NTM: variants seen among roughly 807,000 people sequenced by gnomAD.
NTM encodes neurotrimin.
NTM carries 13 observed loss-of-function variants against 42.1 expected under a neutral mutation model. That is an observed-to-expected ratio of 0.31 (90% CI 0.20 to 0.49). NTM has a LOEUF of 0.49. NTM is among the 20% of genes least tolerant of loss of function. The probability of loss-of-function intolerance (pLI) is 0.99; values close to 1 mark genes in which losing one functional copy is unlikely to be tolerated. For synonymous variants in NTM, 187 were observed against 179.2 expected (o/e 1.04, Z -0.35); for missense variants, 373 against 452.8 (o/e 0.82, Z 1.60).
chr11:131,503,316 G>A (rs1341338570), intron 1 of NTM, among the ~76,000 whole-genome samples: 1 of 152,128 alleles, frequency 6.6e-6, no homozygotes, highest in Non-Finnish European at 1.5e-5. Flanking sequence ...AGAGGTTAGA[G>A]CAGGAACATG....
At chr11:131,463,686 TA>T (rs1432900482) in intron 1 of NTM, among the ~76,000 whole-genome samples, 36 of 152,384 alleles carry the variant, frequency 2.4e-4, no homozygotes, top group African/African-American at 7.9e-4. Context: ...CCTACCTTTA[TA>T]AACCTGGCCC....
chr11:131,642,290 A>T (rs117155638), intron 1 of NTM, among the ~76,000 whole-genome samples: 1 of 152,324 alleles, frequency 6.6e-6, no homozygotes, highest in East Asian at 1.9e-4. Flanking sequence ...CACACATTAG[A>T]GAGCCAAAGC....
intron 1 of NTM, among the ~76,000 whole-genome samples, chr11:131,668,102 C>T (rs1334137323): frequency 6.6e-6 from 1 of 152,178 alleles, no homozygotes; most frequent in Non-Finnish European, 1.5e-5. Flanking sequence ...GGCCTTGCAA[C>T]TCACATGAGA....
At chr11:132,172,558 GA>G (rs2137868845) in intron 3 of NTM, among the ~76,000 whole-genome samples, 1 of 152,290 alleles carries the variant, frequency 6.6e-6, no homozygotes, top group East Asian at 1.9e-4. Flanking sequence ...ACAATCTACT[GA>G]AATGTCAATA....
chr11:131,758,270 G>GT (rs1565510139), intron 1 of NTM, among the ~76,000 whole-genome samples: 6 of 146,962 alleles, frequency 4.1e-5, no homozygotes, highest in African/African-American at 1.3e-4. Context: ...CCTCCCCCCC[G>GT]CCAACCCCGC....
chr11:131,427,616 C>T (rs560130178), intron 1 of NTM, among the ~76,000 whole-genome samples: 8 of 152,314 alleles, frequency 5.3e-5, no homozygotes, highest in African/African-American at 1.9e-4. Context: ...ACCTGTACTT[C>T]CCACTTCACC....
At chr11:131,419,095 C>T (rs1947247755) in intron 1 of NTM, among the ~76,000 whole-genome samples, 1 of 152,068 alleles carries the variant, frequency 6.6e-6, no homozygotes. Flanking sequence ...ATTTATCCAT[C>T]CCTCAAAAAA....
chr11:131,516,857 T>C (rs2048959278), intron 1 of NTM, among the ~76,000 whole-genome samples: 1 of 152,234 alleles, frequency 6.6e-6, no homozygotes, highest in Admixed American at 6.5e-5. Flanking sequence ...CGAATCTTTG[T>C]GCATCCTCTT....
intron 4 of NTM, among the ~76,000 whole-genome samples, chr11:132,246,389 A>G (rs2091167675): frequency 6.6e-6 from 1 of 152,240 alleles, no homozygotes; most frequent in African/African-American, 2.4e-5. Context: ...TGAAACAGCA[A>G]TGGTGATTTT....
At chr11:132,076,976 C>A (rs2058450749) in intron 2 of NTM, among the ~76,000 whole-genome samples, 1 of 152,134 alleles carries the variant, frequency 6.6e-6, no homozygotes, top group Non-Finnish European at 1.5e-5. Flanking sequence ...AACTGCAATT[C>A]TTTCCCTTCA....
intron 1 of NTM, among the ~76,000 whole-genome samples, chr11:131,722,367 T>C (rs2078466259): frequency 6.6e-6 from 1 of 152,210 alleles, no homozygotes; most frequent in African/African-American, 2.4e-5. Flanking sequence ...GCAGCCTTCC[T>C]GTTGCCTGAC....
chr11:131,594,461 T>C (rs1246667144), intron 1 of NTM, among the ~76,000 whole-genome samples: 1 of 152,030 alleles, frequency 6.6e-6, no homozygotes, highest in African/African-American at 2.4e-5. Context: ...AGTGGTGAGA[T>C]TTCAGCTCAC....
At chr11:132,096,656 G>T (rs968720038) in intron 2 of NTM, among the ~76,000 whole-genome samples, 2 of 152,152 alleles carry the variant, frequency 1.3e-5, no homozygotes, top group African/African-American at 4.8e-5. Context: ...ACCCATCAAG[G>T]AGCAATCAGG....
intron 1 of NTM, among the ~76,000 whole-genome samples, chr11:131,424,600 C>CTTTCTTTTTTTTTTTTTTTTTTTTTTTTT (rs1947878678): frequency 8.9e-5 from 5 of 56,052 alleles, no homozygotes; most frequent in Admixed American, 2.5e-4. Context: ...CTTTTCTTTT[C>CTTTCTTTTTTTTTTTTTTTTTTTTTTTTT]TTTTTTTTTT....
rs557522093 is a variant in NTM, at chr11:131,763,709, C to CTTT, written c.83-147831_83-147829dup. 1.3e-3 allele frequency among the ~76,000 whole-genome samples: 96 copies of CTTT among 71,364 alleles called. 8 individuals are homozygous for CTTT. Among genetic ancestry groups the CTTT allele is most frequent in the African/African-American group, 4.0e-3 (71 of 17,836 alleles). The allele number at this position is 71,364 out of a possible 152,430, so 46.8% of individuals were successfully genotyped here. ...CTTATCCACAGGCCCATCTCTCTCT[C>CTTT]TTTTTTTTTTTTTTTTTTTTTTTTT... On this transcript the variant is annotated intron_variant, in intron 1 of 8. Coordinates refer to ENST00000683400, the MANE Select transcript of NTM (RefSeq NM_001352005.2).
intron 4 of NTM, among the ~76,000 whole-genome samples, chr11:132,279,492 T>C (rs1177715814): frequency 3.3e-5 from 5 of 152,212 alleles, no homozygotes; most frequent in Non-Finnish European, 7.3e-5. Context: ...CCAGCCCACA[T>C]GTTCGCACTT....
chr11:131,762,715 A>G (rs192817216), intron 1 of NTM, among the ~76,000 whole-genome samples: 14 of 152,252 alleles, frequency 9.2e-5, no homozygotes, highest in African/African-American at 3.4e-4. Flanking sequence ...TCCCCAATAG[A>G]CTGCTCCTCT....
intron 2 of NTM, among the ~76,000 whole-genome samples, chr11:132,123,869 C>T (rs2065237787): frequency 6.6e-6 from 1 of 152,154 alleles, no homozygotes; most frequent in South Asian, 2.1e-4. Context: ...GGACTCTGCA[C>T]CCATCCCATC....
At chr11:132,024,932 C>A (rs544739839) in intron 2 of NTM, among the ~76,000 whole-genome samples, 1 of 152,244 alleles carries the variant, frequency 6.6e-6, no homozygotes, top group East Asian at 1.9e-4. Flanking sequence ...ACAAATACAC[C>A]CTGAGATCCT....
Sources: gnomAD v4.1 joint callset for allele counts (sites outside exome capture counted in the v4.1 genomes callset) on GRCh38, gnomAD v4.1.1 for gene constraint, MANE v1.5 for transcripts, NCBI Gene and HGNC (gene_info 2026-07-23, HGNC 2026-07-21) for gene names.